The following ABCB11 variants were observed in gnomAD, a reference collection of about 807,000 sequenced individuals.
ABCB11 encodes the protein ATP binding cassette subfamily B member 11.
A neutral mutation model predicts 148.0 loss-of-function variants in ABCB11; 95 were observed. That is an observed-to-expected ratio of 0.64 (90% CI 0.54 to 0.76). The LOEUF (loss-of-function observed/expected upper bound fraction) is 0.76. Among genes scored for constraint, ABCB11 ranks in the 30% least tolerant of loss-of-function variants. The probability of loss-of-function intolerance (pLI) is 0.00; values close to 1 mark genes in which losing one functional copy is unlikely to be tolerated. For missense variants in ABCB11, 1,523 were observed against 1,617.8 expected (o/e 0.94, Z 1.01); for synonymous variants, 591 against 555.4 (o/e 1.06, Z -0.90).
At position 168,997,356 on chromosome 2, in the gene ABCB11, A is replaced by C. The variant is rs564218514; in HGVS notation, c.390-634T>G. ...ACAGCCTAAGTTCATTCACCAGGAC[A>C]ATTTCTAAGGTTGAAGCCAAAGACA... On this transcript the variant is annotated intron_variant, in intron 5 of 27. Coordinates refer to ENST00000650372, the MANE Select transcript of ABCB11 (RefSeq NM_003742.4). Among the ~76,000 whole-genome samples the C allele has an allele frequency of 4.6e-5, 7 of 152,224 alleles. No individual in the cohort carries two copies. In the South Asian group the frequency reaches 1.4e-3, roughly 32 times the overall value.
intron 18 of ABCB11, among the ~76,000 whole-genome samples, chr2:168,958,792 G>T (rs964976221): frequency 6.6e-6 from 1 of 151,554 alleles, no homozygotes; most frequent in Non-Finnish European, 1.5e-5. Context: ...CTTCTCAAAG[G>T]CAAATATTAT....
chr2:168,992,014 AT>A (rs1320630457), intron 8 of ABCB11, among the ~76,000 whole-genome samples: 2,311 of 140,278 alleles, frequency 0.016, 29 homozygotes, highest in African/African-American at 0.036. Context: ...TTTAAAAAAA[AT>A]TTTTTTTTTT....
chr2:169,025,180 GA>G (rs1267149559), intron 1 of ABCB11, among the ~76,000 whole-genome samples: 1 of 151,988 alleles, frequency 6.6e-6, no homozygotes, highest in African/African-American at 2.4e-5. Context: ...CATTTAAAAA[GA>G]TTTCTTTCCA....
intron 3 of ABCB11, among the ~76,000 whole-genome samples, chr2:169,016,286 TCAGGAACTTAC>T (rs1404358667): frequency 6.6e-6 from 1 of 152,194 alleles, no homozygotes; most frequent in Admixed American, 6.5e-5. Flanking sequence ...CACCTCCACT[TCAGGAACTTAC>T]CTGATGCCTC....
intron 19 of ABCB11, among the ~76,000 whole-genome samples, chr2:168,954,052 T>G (rs1253697512): frequency 2.0e-5 from 3 of 151,632 alleles, no homozygotes; most frequent in African/African-American, 7.3e-5. Flanking sequence ...CCAGAGGCTG[T>G]GTCATGGGTG....
At chr2:168,980,846 T>G (rs1332637998) in intron 10 of ABCB11, among the ~76,000 whole-genome samples, 1 of 152,150 alleles carries the variant, frequency 6.6e-6, no homozygotes, top group Non-Finnish European at 1.5e-5. Flanking sequence ...AGCACTCTGT[T>G]TTTATTATCA....
chr2:168,948,050 T>A (rs1306110421), intron 19 of ABCB11, among the ~76,000 whole-genome samples: 1 of 151,124 alleles, frequency 6.6e-6, no homozygotes, highest in Non-Finnish European at 1.5e-5. Context: ...GGAGAAGAGG[T>A]ATGACATGAT....
chr2:169,009,634 C>T (rs1443303048), intron 5 of ABCB11, among the ~76,000 whole-genome samples: 4 of 151,146 alleles, frequency 2.6e-5, no homozygotes, highest in African/African-American at 4.9e-5. Flanking sequence ...TGTTAAATGA[C>T]GAGTTGATGG....
intron 12 of ABCB11, among the ~76,000 whole-genome samples, chr2:168,975,000 T>G (rs1254055390): frequency 6.8e-6 from 1 of 146,562 alleles, no homozygotes; most frequent in Non-Finnish European, 1.5e-5. Context: ...ATTTGTTATA[T>G]ATATTTATAG....
chr2:168,998,051 C>G (rs555635083), intron 5 of ABCB11, among the ~76,000 whole-genome samples: 1 of 152,034 alleles, frequency 6.6e-6, no homozygotes, highest in African/African-American at 2.4e-5. Context: ...AAGAAGAACC[C>G]TGAGATGAAC....
chr2:168,951,156 T>C (rs115943718), intron 19 of ABCB11, among the ~76,000 whole-genome samples: 2,141 of 151,238 alleles, frequency 0.014, 44 homozygotes, highest in African/African-American at 0.048. Context: ...TATACCTTGG[T>C]AGAATAATTT....
intron 22 of ABCB11, 116 bp from the exon 23 acceptor site, chr2:168,935,541 A>G: frequency 1.5e-6 from 2 of 1,333,272 alleles, no homozygotes; most frequent in African/African-American, 1.5e-5. Flanking sequence ...CAAATCAGAG[A>G]ATGCATCATC....
chr2:168,993,704 T>G lies in ABCB11; in HGVS notation c.783+7A>C, dbSNP rs1437744464. ...TCCCATGGAGAGATGCAAAAAGACATTCTTACCAGACCAATGGTGGCTGCT... is the reference window on the plus strand; with the variant it reads ...TCCCATGGAGAGATGCAAAAAGACAGTCTTACCAGACCAATGGTGGCTGCT... On this transcript the variant is annotated splice_region_variant and intron_variant, in intron 8 of 27. Transcript: ENST00000650372. The G allele has an allele frequency of 6.2e-7, 1 of 1,605,890 alleles. No individual in the cohort carries two copies. The highest frequency in any genetic ancestry group is 1.3e-5 in the African/African-American group (1 of 74,628).
chr2:168,969,631 T>C lies in ABCB11; in HGVS notation c.1810-80A>G, dbSNP rs1376412222. 9.6e-6 allele frequency: 12 copies of C among 1,247,200 alleles called. No individual in the cohort carries two copies. In the East Asian group the frequency reaches 9.9e-5, roughly 10 times the overall value. The allele number at this position is 1,247,200 out of a possible 1,614,324, so 77.3% of individuals were successfully genotyped here. A position where few individuals can be genotyped will look rare whatever the true frequency, so the allele number is the denominator to read the frequency against. ...GACCTTTGCATCATTTCAGAATCCATAGGAAAGTTAGATCCTTGGTCCCTG... is the reference window on the plus strand; with the variant it reads ...GACCTTTGCATCATTTCAGAATCCACAGGAAAGTTAGATCCTTGGTCCCTG... On this transcript the variant is annotated intron_variant, in intron 15 of 27. Coordinates refer to ENST00000650372, the MANE Select transcript of ABCB11 (RefSeq NM_003742.4).
rs574884340 is a variant in ABCB11 at position 168,988,270 on chromosome 2, G to C, written c.909-1986C>G. Among the ~76,000 whole-genome samples the C allele has an allele frequency of 2.0e-5, 3 of 151,850 alleles. 1 individual carries two copies. The South Asian group carries it at 6.2e-4, about 32-fold the overall frequency. ...TTTGACCAACGTCTCCCCAGTTCTC[G>C]CCTGCCCCCTCCCACCTCAAAGTCC... is the stretch of plus-strand genomic sequence containing the variant. On this transcript the variant is annotated intron_variant, in intron 9 of 27. Coordinates refer to ENST00000650372, the MANE Select transcript of ABCB11 (RefSeq NM_003742.4).
intron 5 of ABCB11, among the ~76,000 whole-genome samples, chr2:169,012,031 A>T (rs1451674798): frequency 6.6e-6 from 1 of 152,148 alleles, no homozygotes; most frequent in East Asian, 1.9e-4. Context: ...TTTGATGTTT[A>T]AAAAAATTTT....
Position 168,950,183 on chromosome 2 carries a change from A to G in ABCB11, c.2344-5222T>C, listed in dbSNP as rs186969815. 5.5e-3 allele frequency among the ~76,000 whole-genome samples: 834 copies of G among 150,982 alleles called. 9 individuals are homozygous for G. The highest frequency in any genetic ancestry group is 0.015 in the South Asian group (70 of 4,794). Reference sequence around the variant, plus strand: ...CACACACACACAAAATAGGATATATATCCTATAAACGCCTATAAATATGTA... The same window carrying G: ...CACACACACACAAAATAGGATATATGTCCTATAAACGCCTATAAATATGTA... On this transcript the variant is annotated intron_variant, in intron 19 of 27. Transcript: ENST00000650372.
intron 21 of ABCB11, among the ~76,000 whole-genome samples, chr2:168,942,681 A>G (rs1294406361): frequency 2.6e-5 from 4 of 151,914 alleles, no homozygotes; most frequent in African/African-American, 9.7e-5. Context: ...TAATGCACTT[A>G]CTTCACATTG....
At chr2:168,967,357 G>A (rs3770585) in intron 17 of ABCB11, among the ~76,000 whole-genome samples, 60,895 of 151,680 alleles carry the variant, frequency 0.4, 12,370 homozygotes, top group South Asian at 0.46. Context: ...CAAGAAGAAA[G>A]ATAGGAAAAC....
Sources: allele counts gnomAD v4.1 joint callset (sites outside exome capture counted in the v4.1 genomes callset), GRCh38; gene constraint gnomAD v4.1.1; transcripts MANE v1.5; gene names NCBI Gene and HGNC (gene_info 2026-07-23, HGNC 2026-07-21).